The following GFM1 variants were observed in gnomAD, a reference collection of about 807,000 sequenced individuals.
The protein encoded by GFM1 is G elongation factor mitochondrial 1, also known as elongation factor G, mitochondrial.
Under a neutral mutation model 96.2 loss-of-function variants are expected in GFM1, and 62 were observed. The observed-to-expected ratio is 0.64, with a 90% CI of 0.53 to 0.80. GFM1 has a LOEUF of 0.80. GFM1 is among the 30% of genes least tolerant of loss of function. GFM1 has a pLI of 0.00. For synonymous variants in GFM1, 282 were observed against 312.9 expected, an observed-to-expected ratio of 0.90 and a Z score of 1.04; for missense variants, 852 against 916.6, an observed-to-expected ratio of 0.93 and a Z score of 0.91.
chr3:158,645,155 A>G (rs964356189), intron 1 of GFM1, among the ~76,000 whole-genome samples: 2 of 152,172 alleles, frequency 1.3e-5, no homozygotes, highest in African/African-American at 4.8e-5. Context: ...TTTGGAGGGA[A>G]TTGGAAATCT....
rs142919829 is a variant in GFM1 at position 158,654,637 on chromosome 3, T to G, written c.1083+6T>G. ...GCCTGGCTTTTAAACTGGAGGTAAGTTGCTTTCTAATGTATTTAACTGCTA... is the reference window on the plus strand; with the variant it reads ...GCCTGGCTTTTAAACTGGAGGTAAGGTGCTTTCTAATGTATTTAACTGCTA... On this transcript the variant is annotated splice_donor_region_variant and intron_variant, in intron 8 of 17. Transcript: ENST00000486715. 18,711 of 1,583,856 alleles carry G rather than the reference T, an allele frequency of 0.012. 136 individuals carry two copies. The highest frequency in any genetic ancestry group is 0.014 in the Non-Finnish European group (16,396 of 1,152,550).
intron 13 of GFM1, among the ~76,000 whole-genome samples, chr3:158,669,935 C>A (rs1463013009): frequency 6.6e-6 from 1 of 152,214 alleles, no homozygotes; most frequent in Non-Finnish European, 1.5e-5. Context: ...TATATACCAA[C>A]TCAAGACTGG....
intron 13 of GFM1, among the ~76,000 whole-genome samples, chr3:158,670,225 T>G (rs1724145224): frequency 6.6e-6 from 1 of 152,216 alleles, no homozygotes; most frequent in Non-Finnish European, 1.5e-5. Flanking sequence ...ATTTGACAGT[T>G]GTGTATAATC....
Position 158,691,993 on chromosome 3 carries a change from C to T in GFM1, c.*526C>T, listed in dbSNP as rs1346393291. 1 of 157,594 alleles carries T rather than the reference C, an allele frequency of 6.3e-6. No homozygotes were observed. The highest frequency in any genetic ancestry group is 2.4e-5 in the African/African-American group (1 of 41,470). The allele number at this position is 157,594 out of a possible 1,614,324, so 9.8% of individuals were successfully genotyped here. On this transcript the variant is annotated 3_prime_UTR_variant, in exon 18 of 18. Coordinates refer to ENST00000486715, the MANE Select transcript of GFM1 (RefSeq NM_024996.7). ...AACTCTATTTTTAGTTTGCTGAAGACTTGAAAGTGAATCGCATATATCATG... is the reference window on the plus strand; with the variant it reads ...AACTCTATTTTTAGTTTGCTGAAGATTTGAAAGTGAATCGCATATATCATG...
intron 15 of GFM1, 70 bp downstream of exon 15, chr3:158,684,738 C>T (rs979805287): frequency 6.6e-7 from 1 of 1,522,208 alleles, no homozygotes; most frequent in Non-Finnish European, 9.1e-7. Context: ...GAAGGCAACA[C>T]TGTTTTCAGT....
chr3:158,680,063 G>C (rs75264569), intron 13 of GFM1, among the ~76,000 whole-genome samples: 2,456 of 152,164 alleles, frequency 0.016, 54 homozygotes, highest in African/African-American at 0.057. Flanking sequence ...CAAATTTGAG[G>C]TAAACAGCAA....
At chr3:158,655,281 C>T (rs927250333) in intron 8 of GFM1, among the ~76,000 whole-genome samples, 1 of 151,936 alleles carries the variant, frequency 6.6e-6, no homozygotes, top group Non-Finnish European at 1.5e-5. Flanking sequence ...GTCAGGAGTT[C>T]GAGACCAGCC....
At chr3:158,664,391 A>C (rs1723444311) in intron 11 of GFM1, among the ~76,000 whole-genome samples, 1 of 152,046 alleles carries the variant, frequency 6.6e-6, no homozygotes, top group Non-Finnish European at 1.5e-5. Flanking sequence ...TCTCCTTCTT[A>C]CTCAGGTTAT....
At position 158,649,877 on chromosome 3, in the gene GFM1, C is replaced by T. The variant is rs1021071738; in HGVS notation, c.689+720C>T. 8.3e-6 allele frequency: 6 copies of T among 726,784 alleles called. No individual in the cohort carries two copies. The South Asian group carries it at 1.0e-4, about 13-fold the overall frequency. 45.0% of individuals were successfully genotyped at this position (726,784 alleles called of 1,614,324 possible). A position where few individuals can be genotyped will look rare whatever the true frequency, so the allele number is the denominator to read the frequency against. ...CGTAGTTTGCATTTCTGGAAGGTTTCCAGTTGATGCTGCTCTTACAGGTCT... is the reference window on the plus strand; with the variant it reads ...CGTAGTTTGCATTTCTGGAAGGTTTTCAGTTGATGCTGCTCTTACAGGTCT... On this transcript the variant is annotated intron_variant, in intron 5 of 17. Coordinates refer to ENST00000486715, the MANE Select transcript of GFM1 (RefSeq NM_024996.7).
intron 13 of GFM1, among the ~76,000 whole-genome samples, chr3:158,675,533 C>A (rs1054543581): frequency 1.3e-5 from 2 of 151,842 alleles, no homozygotes; most frequent in Non-Finnish European, 2.9e-5. Context: ...TGAATTTGAT[C>A]TTTTCATGAT....
At chr3:158,685,393 A>G (rs1168809423) in intron 15 of GFM1, 1 of 152,254 alleles carries the variant, frequency 6.6e-6, no homozygotes, top group Non-Finnish European at 1.5e-5. Flanking sequence ...GTGAAAATAC[A>G]TTAGTAATGT....
chr3:158,644,766 T>C, intron 1 of GFM1, 51 bp downstream of exon 1: 1 of 1,476,496 alleles, frequency 6.8e-7, no homozygotes, highest in Non-Finnish European at 9.3e-7. Context: ...AACCTTGTGA[T>C]CCCTTCTGGG....
At chr3:158,690,561 C>A in intron 16 of GFM1, 1 of 510,122 alleles carries the variant, frequency 2.0e-6, no homozygotes, top group Non-Finnish European at 3.5e-6. Flanking sequence ...ATCTCTCTTT[C>A]TTGAATAAGC....
Position 158,693,636 on chromosome 3 carries a change from T to A in GFM1, c.*2169T>A, listed in dbSNP as rs1726445035. 1 of 152,198 alleles carries A rather than the reference T, an allele frequency of 6.6e-6. No homozygotes were observed. Among genetic ancestry groups the A allele is most frequent in the Admixed American group, 6.5e-5 (1 of 15,282 alleles). 9.4% of individuals were successfully genotyped at this position (152,198 alleles called of 1,614,324 possible). On this transcript the variant is annotated 3_prime_UTR_variant, in exon 18 of 18. Coordinates refer to ENST00000486715, the MANE Select transcript of GFM1 (RefSeq NM_024996.7). ...CATGGAAAAAAATTAATGAGAATAT[T>A]CATAGGTGAGGGTTGTTTATACTAC...
At chr3:158,690,655 CTTTA>C (rs1337671780) in intron 16 of GFM1, 9 of 341,026 alleles carry the variant, frequency 2.6e-5, no homozygotes. Flanking sequence ...TGCATAATTA[CTTTA>C]TTGTTATCTT....
chr3:158,651,433 A>G (rs1364182093), intron 5 of GFM1, among the ~76,000 whole-genome samples: 1 of 151,992 alleles, frequency 6.6e-6, no homozygotes, highest in Non-Finnish European at 1.5e-5. Context: ...TGGGCAAATT[A>G]CTTTGCCTGT....
intron 15 of GFM1, chr3:158,685,407 C>T (rs1439736429): frequency 6.6e-6 from 1 of 152,212 alleles, no homozygotes; most frequent in Non-Finnish European, 1.5e-5. Context: ...GTAATGTCCA[C>T]CGGTGTCTTT....
chr3:158,672,215 C>T, intron 13 of GFM1: 1 of 1,078,254 alleles, frequency 9.3e-7, no homozygotes, highest in Admixed American at 2.2e-5. Flanking sequence ...AGACCAGATA[C>T]CAGCAGTGTG....
intron 9 of GFM1, among the ~76,000 whole-genome samples, chr3:158,659,450 CATTGTTTT>C (rs1389783555): frequency 6.6e-6 from 1 of 152,162 alleles, no homozygotes; most frequent in South Asian, 2.1e-4. Context: ...CAGTTTTCCA[CATTGTTTT>C]ATTTACCTTC....
Sources: gnomAD v4.1 joint callset for allele counts (sites outside exome capture counted in the v4.1 genomes callset) on GRCh38, gnomAD v4.1.1 for gene constraint, MANE v1.5 for transcripts, NCBI Gene and HGNC (gene_info 2026-07-23, HGNC 2026-07-21) for gene names.